Variants in GSDMB observed in about 807,000 individuals in gnomAD.
GSDMB encodes gasdermin-B.
A neutral mutation model predicts 42.9 loss-of-function variants in GSDMB; 32 were observed. The observed-to-expected ratio is 0.75, with a 90% CI of 0.56 to 1.00. The LOEUF (loss-of-function observed/expected upper bound fraction) is 1.00. Ranked by LOEUF, GSDMB falls within the 50% of genes least tolerant of loss-of-function variation. GSDMB has a pLI of 0.00. For synonymous variants in GSDMB, 175 were observed against 193.7 expected (o/e 0.90, Z 0.80); for missense variants, 468 against 498.5 (o/e 0.94, Z 0.58).
In GSDMB at chr17:39,912,362, C is replaced by T. The variant is rs1272409907; in HGVS notation, c.371G>A (p.Arg124Gln). 6 of 1,613,832 alleles carry T rather than the reference C, an allele frequency of 3.7e-6. No individual in the cohort carries two copies. Among genetic ancestry groups the T allele is most frequent in the South Asian group, 1.1e-5 (1 of 91,084 alleles). Residue 124 changes from arginine to glutamine, a missense_variant, in exon 3 of 11, where the codon CGG (arginine) becomes CAG (glutamine). Arg to Gln is a conservative substitution (Grantham distance 43). Transcript: ENST00000418519. ...GGTAGCCAGATACTGCTGGGATATC[C>T]GGTTCTCCGATATCTTGATTTTCTG... Reference protein sequence around the residue: ...HHQKIKISENRISQQYLATLE... With the variant: ...HHQKIKISENQISQQYLATLE...
In GSDMB at chr17:39,905,788, C is replaced by T. The variant is rs1375947559; in HGVS notation, c.1027+59G>A. 21 of 1,578,790 alleles carry T rather than the reference C, an allele frequency of 1.3e-5. No homozygotes were observed. In the Admixed American group the frequency reaches 3.6e-4, roughly 27 times the overall value. The stretch of plus-strand genomic sequence containing the variant: ...GCCCCTCCTCCCAAGATGTGACTCC[C>T]CACAGGCCTCTCTGCTCACACTTCC... On this transcript the variant is annotated intron_variant, in intron 9 of 10. Coordinates refer to ENST00000418519, the MANE Select transcript of GSDMB (RefSeq NM_001165958.2).
rs1385718064 is a variant in GSDMB, at chr17:39,912,225, A to T, written c.407+101T>A. The T allele has an allele frequency of 3.7e-6, 3 of 801,022 alleles. No homozygotes were observed. The African/African-American group carries it at 5.3e-5, about 14-fold the overall frequency. The allele number at this position is 801,022 out of a possible 1,614,324, so 49.6% of individuals were successfully genotyped here. A position where few individuals can be genotyped will look rare whatever the true frequency, so the allele number is the denominator to read the frequency against. On this transcript the variant is annotated intron_variant, in intron 3 of 10. Transcript: ENST00000418519. ...AAAAGCAGGGAAAAGAAAAATAAAA[A>T]TAAATAAATTTTAAAAAGAGCCGGT...
intron 5 of GSDMB, among the ~76,000 whole-genome samples, chr17:39,908,718 G>A (rs117097909): frequency 0.047 from 7,086 of 152,256 alleles, 264 homozygotes; most frequent in Non-Finnish European, 0.061. Context: ...TGGGAGAGGA[G>A]TTAATGACTC....
chr17:39,912,040 G>A (rs2063619599), intron 3 of GSDMB, among the ~76,000 whole-genome samples: 1 of 152,040 alleles, frequency 6.6e-6, no homozygotes, highest in South Asian at 2.1e-4. Context: ...GTGAATTGGG[G>A]GCATCAGAAG....
intron 2 of GSDMB, among the ~76,000 whole-genome samples, chr17:39,916,367 G>T (rs946088683): frequency 6.9e-6 from 1 of 145,164 alleles, no homozygotes; most frequent in African/African-American, 2.6e-5. Context: ...ACGGCAACCT[G>T]CACCTCCCGG....
chr17:39,906,037 TC>T, intron 8 of GSDMB, 52 bp from the exon 9 acceptor site: 1 of 1,612,196 alleles, frequency 6.2e-7, no homozygotes, highest in Non-Finnish European at 8.5e-7. Context: ...TAGCAGATTA[TC>T]CTCACTGTGC....
chr17:39,912,041 G>C (rs2063619649), intron 3 of GSDMB, among the ~76,000 whole-genome samples: 1 of 152,076 alleles, frequency 6.6e-6, no homozygotes, highest in African/African-American at 2.4e-5. Flanking sequence ...TGAATTGGGG[G>C]CATCAGAAGG....
intron 2 of GSDMB, among the ~76,000 whole-genome samples, chr17:39,913,040 G>A (rs934632492): frequency 6.6e-6 from 1 of 152,144 alleles, no homozygotes; most frequent in Non-Finnish European, 1.5e-5. Context: ...CCAGGAGGCG[G>A]AGGTTGCAGT....
Position 39,917,062 on chromosome 17 carries a change from G to A in GSDMB, c.235+20C>T. 1 of 1,553,672 alleles carries A rather than the reference G, an allele frequency of 6.4e-7. No individual in the cohort carries two copies. Among genetic ancestry groups the A allele is most frequent in the Non-Finnish European group, 8.9e-7 (1 of 1,124,970 alleles). On this transcript the variant is annotated intron_variant, in intron 2 of 10. Coordinates refer to ENST00000418519, the MANE Select transcript of GSDMB (RefSeq NM_001165958.2). Reference sequence around the variant, plus strand: ...GTCAAGGCCTCCTGGCTGGCCACCTGTCATCTACCTTATACTGACCTTGGA... The same window carrying A: ...GTCAAGGCCTCCTGGCTGGCCACCTATCATCTACCTTATACTGACCTTGGA...
At chr17:39,914,134 C>T (rs950385364) in intron 2 of GSDMB, among the ~76,000 whole-genome samples, 1 of 152,078 alleles carries the variant, frequency 6.6e-6, no homozygotes, top group Non-Finnish European at 1.5e-5. Context: ...TTACCTCAGC[C>T]AAGTGATCAA....
rs1200720227 is a variant in GSDMB, at chr17:39,906,097, T to A, written c.888+14A>T. The A allele has an allele frequency of 6.2e-7, 1 of 1,613,988 alleles. No homozygotes were observed. Among genetic ancestry groups the A allele is most frequent in the South Asian group, 1.1e-5 (1 of 91,080 alleles). ...TATCTCTCTCTGCCCCAAGGCTTTC[T>A]TAGGGTCCCTTACTCTTTGCTCTAG... On this transcript the variant is annotated intron_variant, in intron 8 of 10. Transcript: ENST00000418519.
chr17:39,906,178 T>A lies in GSDMB; in HGVS notation c.821A>T (p.Lys274Ile), dbSNP rs1467830924. 1 of 1,614,134 alleles carries A rather than the reference T, an allele frequency of 6.2e-7. No homozygotes were observed. Among genetic ancestry groups the A allele is most frequent in the South Asian group, 1.1e-5 (1 of 91,084 alleles). The change falls in exon 8 of 11, where the codon AAA becomes ATA. Residue 274 changes from lysine (K) to isoleucine (I), a missense_variant. Coordinates refer to ENST00000418519, the MANE Select transcript of GSDMB (RefSeq NM_001165958.2). ...VLKDLTEEKR[K>I]DVLNSLAKCL... Reference sequence around the variant, plus strand: ...CTTAGCGAGGGAGTTTAGCACATCTTTTCTCTTCTCCTCTGTCAGGTCCTT... The same window carrying A: ...CTTAGCGAGGGAGTTTAGCACATCTATTCTCTTCTCCTCTGTCAGGTCCTT...
intron 3 of GSDMB, among the ~76,000 whole-genome samples, chr17:39,910,195 A>G (rs926327119): frequency 2.0e-5 from 3 of 152,134 alleles, no homozygotes; most frequent in Admixed American, 2.0e-4. Flanking sequence ...CACCAGGCAC[A>G]CATCTGTAAT....
intron 1 of GSDMB, chr17:39,917,619 T>G: frequency 2.8e-6 from 1 of 359,948 alleles, no homozygotes. Flanking sequence ...TTTGTAATAT[T>G]CTCCCCTGCC....
intron 5 of GSDMB, 140 bp downstream of exon 5, chr17:39,908,818 C>T (rs1437845192): frequency 2.9e-6 from 2 of 685,296 alleles, no homozygotes; most frequent in African/African-American, 1.9e-5. Flanking sequence ...GCTGAACCCA[C>T]CCTTTTCCCT....
At position 39,917,465 on chromosome 17, in the gene GSDMB, G is replaced by A. The variant is rs1348764637; in HGVS notation, c.-14-135C>T. The stretch of plus-strand genomic sequence containing the variant: ...CCATCATATTCCCTGTGACCTGCAT[G>A]TATACATCCAGATGGCCTGAAGCAA... On this transcript the variant is annotated intron_variant, in intron 1 of 10. Coordinates refer to ENST00000418519, the MANE Select transcript of GSDMB (RefSeq NM_001165958.2). The A allele has an allele frequency of 6.4e-6, 4 of 625,552 alleles. No individual in the cohort carries two copies. In the Admixed American group the frequency reaches 1.1e-4, roughly 17 times the overall value. The allele number at this position is 625,552 out of a possible 1,614,324, so 38.8% of individuals were successfully genotyped here.
chr17:39,905,180 C>A lies in GSDMB; in HGVS notation c.1099-216G>T, dbSNP rs1036074062. The A allele has an allele frequency of 4.1e-5, 25 of 608,824 alleles. No homozygotes were observed. The South Asian group carries it at 4.8e-4, about 12-fold the overall frequency. 37.7% of individuals were successfully genotyped at this position (608,824 alleles called of 1,614,324 possible). On this transcript the variant is annotated intron_variant, in intron 10 of 10. Transcript: ENST00000418519. ...TGGGAACTCAAGATCATACCAGCTG[C>A]TGTCCTGGGACTAACCAATTTGCAG...
chr17:39,913,004 G>A (rs959764710), intron 2 of GSDMB, among the ~76,000 whole-genome samples: 42 of 152,140 alleles, frequency 2.8e-4, no homozygotes, highest in African/African-American at 1.0e-3. Context: ...CTACTTGAGA[G>A]GCTGAGGCAT....
chr17:39,905,539 G>T, intron 9 of GSDMB, 43 bp from the exon 10 acceptor site: 2 of 1,474,802 alleles, frequency 1.4e-6, no homozygotes, highest in Non-Finnish European at 1.9e-6. Context: ...GATATATGGT[G>T]GGACAGGGCC....
Sources: gnomAD v4.1 joint callset for allele counts (sites outside exome capture counted in the v4.1 genomes callset) on GRCh38, gnomAD v4.1.1 for gene constraint, MANE v1.5 for transcripts, NCBI Gene and HGNC (gene_info 2026-07-23, HGNC 2026-07-21) for gene names.